IMMP2L: variants seen among roughly 807,000 people sequenced by gnomAD.
The protein encoded by IMMP2L is inner mitochondrial membrane peptidase subunit 2, also known as mitochondrial inner membrane protease subunit 2.
In IMMP2L, 18 loss-of-function variants were observed where a neutral mutation model predicts 19.3. The observed-to-expected ratio is 0.93, with a 90% confidence interval of 0.64 to 1.38. The LOEUF (loss-of-function observed/expected upper bound fraction) is 1.38, where lower values mean the gene tolerates loss of function less well. Ranked by LOEUF, IMMP2L falls within the 40% of genes most tolerant of loss-of-function variation. The pLI is 0.00. For synonymous variants in IMMP2L, 76 were observed against 73.0 expected (o/e 1.04, Z -0.21); for missense variants, 233 against 218.2 (o/e 1.07, Z -0.43).
At chr7:111,487,826 C>A (rs960057571) in intron 2 of IMMP2L, among the ~76,000 whole-genome samples, 14 of 152,116 alleles carry the variant, frequency 9.2e-5, no homozygotes, top group Non-Finnish European at 4.4e-5. Context: ...GATAGGATTA[C>A]CATTATAAAA....
chr7:111,098,792 T>C (rs1797666307), intron 3 of IMMP2L, among the ~76,000 whole-genome samples: 1 of 151,708 alleles, frequency 6.6e-6, no homozygotes, highest in South Asian at 2.1e-4. Flanking sequence ...AAAAGGAACC[T>C]AGGTTAGTTA....
At chr7:110,888,862 A>G (rs1347995064) in intron 4 of IMMP2L, among the ~76,000 whole-genome samples, 1 of 152,116 alleles carries the variant, frequency 6.6e-6, no homozygotes, top group Admixed American at 6.5e-5. Context: ...TTATTTGTTC[A>G]TAAGAGTATC....
At chr7:111,017,567 T>C (rs2129565498) in intron 3 of IMMP2L, among the ~76,000 whole-genome samples, 1 of 152,292 alleles carries the variant, frequency 6.6e-6, no homozygotes, top group East Asian at 1.9e-4. Context: ...ATGGAAATTG[T>C]CTGACATCCT....
intron 3 of IMMP2L, among the ~76,000 whole-genome samples, chr7:111,192,692 T>C (rs1256320116): frequency 2.0e-5 from 3 of 152,106 alleles, no homozygotes; most frequent in African/African-American, 7.2e-5. Context: ...ACAAGAGCTC[T>C]GGATTTGGGC....
At chr7:111,230,027 G>A (rs1462425505) in intron 3 of IMMP2L, among the ~76,000 whole-genome samples, 1 of 151,966 alleles carries the variant, frequency 6.6e-6, no homozygotes, top group African/African-American at 2.4e-5. Context: ...GGAACAACAG[G>A]GATTTGCAAG....
In IMMP2L at chr7:111,179,413, G is replaced by A. The variant is rs553615582; in HGVS notation, c.240-215848C>T. On this transcript the variant is annotated intron_variant, in intron 3 of 5. Transcript: ENST00000405709. ...TTTTAGCCTATCAGCTGTTGGTAGT[G>A]TTCGTGTTTGTTATGTGTGGCCCAA... Among the ~76,000 whole-genome samples, 14 of 152,022 alleles carry A rather than the reference G, an allele frequency of 9.2e-5. No individual in the cohort carries two copies. In the South Asian group the frequency reaches 2.9e-3, roughly 31 times the overall value.
intron 3 of IMMP2L, among the ~76,000 whole-genome samples, chr7:111,149,412 C>T (rs894765714): frequency 2.0e-5 from 3 of 152,074 alleles, no homozygotes; most frequent in African/African-American, 7.2e-5. Context: ...GTGTCAACCC[C>T]CATGCAGTTG....
intron 5 of IMMP2L, among the ~76,000 whole-genome samples, chr7:110,799,014 C>T (rs1801060889): frequency 6.6e-6 from 1 of 151,862 alleles, no homozygotes; most frequent in Admixed American, 6.6e-5. Flanking sequence ...TCAAATAAGG[C>T]ATTTTATGTC....
At chr7:110,840,076 T>C (rs778451771) in intron 5 of IMMP2L, among the ~76,000 whole-genome samples, 1 of 152,138 alleles carries the variant, frequency 6.6e-6, no homozygotes, top group Non-Finnish European at 1.5e-5. Context: ...TCCCTTTCTG[T>C]TGGGCTACAG....
At chr7:111,125,833 T>G (rs1437745166) in intron 3 of IMMP2L, among the ~76,000 whole-genome samples, 1 of 145,344 alleles carries the variant, frequency 6.9e-6, no homozygotes, top group East Asian at 2.0e-4. Context: ...TTTTTTTTTT[T>G]TTTTTTTGAG....
chr7:110,989,097 T>C (rs1190818822), intron 3 of IMMP2L, among the ~76,000 whole-genome samples: 2 of 152,124 alleles, frequency 1.3e-5, no homozygotes, highest in Non-Finnish European at 2.9e-5. Context: ...TAGCCGGGTG[T>C]CGTGGCACAT....
intron 4 of IMMP2L, among the ~76,000 whole-genome samples, chr7:110,908,964 T>C (rs566962928): frequency 1.3e-5 from 2 of 152,216 alleles, no homozygotes; most frequent in South Asian, 2.1e-4. Flanking sequence ...AAATGTAATA[T>C]CATACCCGTG....
At chr7:111,222,484 T>A (rs993854678) in intron 3 of IMMP2L, among the ~76,000 whole-genome samples, 3 of 151,664 alleles carry the variant, frequency 2.0e-5, no homozygotes, top group African/African-American at 4.8e-5. Context: ...ATTTTTTTTT[T>A]AAAGCTTAAT....
At chr7:110,716,794 A>G (rs376861899) in intron 5 of IMMP2L, among the ~76,000 whole-genome samples, 4 of 152,184 alleles carry the variant, frequency 2.6e-5, no homozygotes, top group East Asian at 3.9e-4. Flanking sequence ...TATTATGGAT[A>G]AAGGATATAT....
At chr7:110,686,621 T>A (rs1304813703) in intron 5 of IMMP2L, among the ~76,000 whole-genome samples, 1 of 152,066 alleles carries the variant, frequency 6.6e-6, no homozygotes, top group Non-Finnish European at 1.5e-5. Context: ...CTGCTTCAAC[T>A]GTAACCTCAG....
chr7:111,147,408 A>G (rs137884843), intron 3 of IMMP2L, among the ~76,000 whole-genome samples: 1 of 152,254 alleles, frequency 6.6e-6, no homozygotes, highest in Non-Finnish European at 1.5e-5. Context: ...CCAAAATGAG[A>G]GCATTGACTG....
intron 4 of IMMP2L, among the ~76,000 whole-genome samples, chr7:110,904,382 T>G (rs1368103754): frequency 1.3e-5 from 2 of 152,204 alleles, no homozygotes; most frequent in East Asian, 3.9e-4. Flanking sequence ...TTTACTGTTT[T>G]GGGTTTTACA....
At chr7:111,391,835 T>C (rs887841683) in intron 3 of IMMP2L, 4 of 702,266 alleles carry the variant, frequency 5.7e-6, no homozygotes, top group South Asian at 1.5e-5. Flanking sequence ...AACACGACCA[T>C]ACCTCTCTTT....
chr7:111,334,484 A>C (rs1467457731), intron 3 of IMMP2L, among the ~76,000 whole-genome samples: 1 of 152,090 alleles, frequency 6.6e-6, no homozygotes, highest in Non-Finnish European at 1.5e-5. Context: ...ACTTAGGTTG[A>C]TCAAGTATTT....
Sources: allele counts gnomAD v4.1 joint callset (sites outside exome capture counted in the v4.1 genomes callset), GRCh38; gene constraint gnomAD v4.1.1; transcripts MANE v1.5; gene names NCBI Gene and HGNC (gene_info 2026-07-23, HGNC 2026-07-21).